DIXDC1: variants seen among roughly 807,000 people sequenced by gnomAD.
DIXDC1 encodes DIX domain containing 1.
DIXDC1 carries 64 observed loss-of-function variants against 103.1 expected under a neutral mutation model. That is an observed-to-expected ratio of 0.62 (90% confidence interval 0.51 to 0.76). The LOEUF (loss-of-function observed/expected upper bound fraction) is 0.76. Ranked by LOEUF, DIXDC1 falls within the 30% of genes least tolerant of loss-of-function variation. The probability of loss-of-function intolerance (pLI) is 0.00; values close to 1 mark genes in which losing one functional copy is unlikely to be tolerated. For synonymous variants in DIXDC1, 266 were observed against 298.5 expected, an observed-to-expected ratio of 0.89 and a Z score of 1.12; for missense variants, 759 against 834.2, an observed-to-expected ratio of 0.91 and a Z score of 1.11.
At chr11:111,938,001 G>T (rs960154523) in intron 1 of DIXDC1, among the ~76,000 whole-genome samples, 2 of 152,230 alleles carry the variant, frequency 1.3e-5, no homozygotes, top group Non-Finnish European at 2.9e-5. Context: ...GAGGGCAGGG[G>T]ACTGTAGATG....
chr11:111,929,872 A>G, exon 2 of DIXDC1: 1 of 1,535,934 alleles, frequency 6.5e-7, no homozygotes, highest in South Asian at 1.2e-5. Context: ...CCAAGTGGTT[A>G]TGAGATTCAA....
chr11:111,992,834 T>TA, intron 11 of DIXDC1, 117 bp from the exon 12 acceptor site: 1 of 1,023,484 alleles, frequency 9.8e-7, no homozygotes, highest in Non-Finnish European at 1.4e-6. Context: ...TTTACCATCA[T>TA]ACCCTCTCTG....
chr11:111,970,661 C>CA (rs34958514), intron 3 of DIXDC1, among the ~76,000 whole-genome samples: 10,190 of 113,002 alleles, frequency 0.09, 470 homozygotes, highest in Admixed American at 0.12. Context: ...AACTCTATCT[C>CA]AAAAAAAAAA....
intron 12 of DIXDC1, 31 bp from the exon 13 acceptor site, chr11:111,993,465 C>A (rs782732286): frequency 6.2e-7 from 1 of 1,612,130 alleles, no homozygotes; most frequent in Non-Finnish European, 8.5e-7. Flanking sequence ...CTGGTTTTGC[C>A]GCTCATCTTA....
Position 111,976,367 on chromosome 11 carries a change from C to T in DIXDC1, c.656+1384C>T, listed in dbSNP as rs1013590807. ...GTGAATGTGTGAATGAGGGGCCCAC[C>T]GGCTATCAGGCTGCAGTGAGCTAAT... On this transcript the variant is annotated intron_variant, in intron 5 of 19. Transcript: ENST00000440460. This position sits in a 1 kb window ranked among gnomAD's most constrained non-coding sequence, Gnocchi z 4.3. 6.6e-6 allele frequency among the ~76,000 whole-genome samples: 1 copy of T among 152,114 alleles called. No homozygotes were observed. Among genetic ancestry groups the T allele is most frequent in the African/African-American group, 2.4e-5 (1 of 41,440 alleles).
At chr11:111,929,583 TAA>T (rs587666008) in intron 1 of DIXDC1, among the ~76,000 whole-genome samples, 28 of 90,596 alleles carry the variant, frequency 3.1e-4, no homozygotes, top group Non-Finnish European at 4.1e-4. Flanking sequence ...ACCTTATCTC[TAA>T]AAAAAAAAAA....
chr11:111,982,114 T>G, intron 6 of DIXDC1: 1 of 400,020 alleles, frequency 2.5e-6, no homozygotes, highest in African/African-American at 2.0e-5. Context: ...TTCCTAAGAG[T>G]TTTAAAAGAG....
intron 3 of DIXDC1, among the ~76,000 whole-genome samples, chr11:111,968,884 C>T (rs1555171834): frequency 6.6e-6 from 1 of 152,116 alleles, no homozygotes; most frequent in East Asian, 1.9e-4. Flanking sequence ...AAGTGATTCT[C>T]CTGCCTCAGC....
At chr11:111,933,641 T>C (rs1214371016), upstream of DIXDC1, among the ~76,000 whole-genome samples, 3 of 140,414 alleles carry the variant, frequency 2.1e-5, no homozygotes, top group South Asian at 6.7e-4. Context: ...TTTGTGCCAC[T>C]GCATTCTAGC....
intron 17 of DIXDC1, among the ~76,000 whole-genome samples, chr11:112,016,305 C>T (rs1204448289): frequency 6.6e-6 from 1 of 152,136 alleles, no homozygotes; most frequent in African/African-American, 2.4e-5. Flanking sequence ...CTATGAGTCA[C>T]ATGAGTATTC....
At chr11:111,937,131 C>T (rs71478707), upstream of DIXDC1, 43 of 462,546 alleles carry the variant, frequency 9.3e-5, 2 homozygotes, top group African/African-American at 6.3e-4. Flanking sequence ...GCGGCCCGGG[C>T]GGGGGGGGGG....
Position 111,977,183 on chromosome 11 carries a change from CTGGCCCG to C in DIXDC1, c.656+2201_656+2207del. 1.1e-6 allele frequency: 1 copy of C among 914,738 alleles called. No homozygotes were observed. The highest frequency in any genetic ancestry group is 1.3e-6 in the Non-Finnish European group (1 of 765,116). The allele number at this position is 914,738 out of a possible 1,614,324, so 56.7% of individuals were successfully genotyped here. ...ACCTCCACCCCGCCCAGCCCCGCCCCTGGCCCGCACCCTCAACCTCCGTCCAGAGCGG... is the reference window on the plus strand; with the variant it reads ...ACCTCCACCCCGCCCAGCCCCGCCCCCACCCTCAACCTCCGTCCAGAGCGG... On this transcript the variant is annotated intron_variant, in intron 5 of 19. Transcript: ENST00000440460. The surrounding 1 kb of genome is among the most constrained non-coding windows in gnomAD (Gnocchi z 6.1).
chr11:112,000,084 G>A (rs1861020439), intron 17 of DIXDC1, among the ~76,000 whole-genome samples: 1 of 152,138 alleles, frequency 6.6e-6, no homozygotes, highest in South Asian at 2.1e-4. Flanking sequence ...GCAGCTAGCT[G>A]AGATTGCGCC....
intron 16 of DIXDC1, among the ~76,000 whole-genome samples, 165 bp downstream of exon 16, chr11:111,995,729 A>G (rs1414959833): frequency 6.6e-6 from 1 of 152,142 alleles, no homozygotes; most frequent in African/African-American, 2.4e-5. Flanking sequence ...ACTATTCATC[A>G]TGGTATGACA....
intron 3 of DIXDC1, among the ~76,000 whole-genome samples, chr11:111,971,106 T>TA (rs1859908179): frequency 6.6e-6 from 1 of 152,074 alleles, no homozygotes; most frequent in African/African-American, 2.4e-5. Context: ...AATTGCAACA[T>TA]AAACAAAAAT....
In DIXDC1 at chr11:111,977,189, C is replaced by CGG; in HGVS notation, c.656+2207_656+2208insGG. 2.1e-6 allele frequency: 2 copies of CGG among 940,946 alleles called. No homozygotes were observed. The highest frequency in any genetic ancestry group is 2.5e-6 in the Non-Finnish European group (2 of 788,930). 58.3% of individuals were successfully genotyped at this position (940,946 alleles called of 1,614,324 possible). A position where few individuals can be genotyped will look rare whatever the true frequency, so the allele number is the denominator to read the frequency against. ...ACCCCGCCCAGCCCCGCCCCTGGCCCGCACCCTCAACCTCCGTCCAGAGCG... is the reference window on the plus strand; with the variant it reads ...ACCCCGCCCAGCCCCGCCCCTGGCCCGGGCACCCTCAACCTCCGTCCAGAGCG... On this transcript the variant is annotated intron_variant, in intron 5 of 19. Coordinates refer to ENST00000440460, the MANE Select transcript of DIXDC1 (RefSeq NM_001037954.4). The surrounding 1 kb of genome is among the most constrained non-coding windows in gnomAD (Gnocchi z 6.1).
At chr11:111,967,850 G>A (rs1222972384) in intron 2 of DIXDC1, among the ~76,000 whole-genome samples, 1 of 152,212 alleles carries the variant, frequency 6.6e-6, no homozygotes, top group African/African-American at 2.4e-5. Flanking sequence ...GGTCCAGAAA[G>A]CCCCGCCTGC....
chr11:112,011,983 A>G (rs1861436682), intron 17 of DIXDC1, among the ~76,000 whole-genome samples: 1 of 152,218 alleles, frequency 6.6e-6, no homozygotes, highest in Non-Finnish European at 1.5e-5. Flanking sequence ...AAAAACCCTC[A>G]TGAAAATCTT....
chr11:111,976,165 T>C lies in DIXDC1; in HGVS notation c.656+1182T>C, dbSNP rs1402804094. 6.6e-6 allele frequency among the ~76,000 whole-genome samples: 1 copy of C among 152,206 alleles called. No individual in the cohort carries two copies. Among genetic ancestry groups the C allele is most frequent in the Non-Finnish European group, 1.5e-5 (1 of 68,032 alleles). On this transcript the variant is annotated intron_variant, in intron 5 of 19. Transcript: ENST00000440460. This position sits in a 1 kb window ranked among gnomAD's most constrained non-coding sequence, Gnocchi z 4.3. ...CTTGCTTGCTGCTTAGGTTATCACC[T>C]GGAGCGGAATTACAGGATGTTTTGT...
Sources: gnomAD v4.1 joint callset for allele counts (sites outside exome capture counted in the v4.1 genomes callset) on GRCh38, gnomAD v4.1.1 for gene constraint, Gnocchi (gnomAD v3.1) non-coding constraint, MANE v1.5 for transcripts, NCBI Gene and HGNC (gene_info 2026-07-23, HGNC 2026-07-21) for gene names.